Variants in MTSS1 observed in about 807,000 individuals in gnomAD.
MTSS1 encodes protein MTSS 1.
MTSS1 carries 18 observed loss-of-function variants against 79.0 expected under a neutral mutation model. The ratio of observed to expected loss-of-function variants is 0.23; its 90% confidence interval spans 0.16 to 0.34. The LOEUF is 0.34. Ranked by LOEUF, MTSS1 falls within the 10% of genes least tolerant of loss-of-function variation. MTSS1 has a pLI of 1.00. For synonymous variants in MTSS1, 341 were observed against 368.6 expected, an observed-to-expected ratio of 0.93 and a Z score of 0.86; for missense variants, 815 against 986.2, an observed-to-expected ratio of 0.83 and a Z score of 2.33.
rs942279958 is a variant in MTSS1, at chr8:124,552,949, T to C, written c.*43A>G. ...ATGGATCAAGACAAATTAGGTTTTA[T>C]TAATGAAACAGTTCATTCCCCACCG... On this transcript the variant is annotated 3_prime_UTR_variant, in exon 14 of 14. Coordinates refer to ENST00000518547, the MANE Select transcript of MTSS1 (RefSeq NM_014751.6). 1.3e-6 allele frequency: 2 copies of C among 1,566,608 alleles called. No individual in the cohort carries two copies. Among genetic ancestry groups the C allele is most frequent in the African/African-American group, 2.7e-5 (2 of 73,250 alleles).
chr8:124,704,247 C>T (rs2135477240), intron 1 of MTSS1, 56 bp from the exon 2 acceptor site: 7 of 1,436,108 alleles, frequency 4.9e-6, no homozygotes, highest in Non-Finnish European at 6.9e-6. Flanking sequence ...CTGATTACTA[C>T]ATTAACAGAG....
intron 3 of MTSS1, among the ~76,000 whole-genome samples, chr8:124,610,390 T>C (rs1267536849): frequency 6.6e-6 from 1 of 152,180 alleles, no homozygotes; most frequent in African/African-American, 2.4e-5. Context: ...TCCCCTTATA[T>C]GCTACAAGAA....
intron 5 of MTSS1, among the ~76,000 whole-genome samples, chr8:124,587,627 T>C (rs1363922659): frequency 3.3e-5 from 5 of 152,168 alleles, no homozygotes; most frequent in Non-Finnish European, 5.9e-5. Flanking sequence ...GCCTCCCGAG[T>C]AGCTGGGATT....
chr8:124,601,153 C>A (rs949978226), intron 3 of MTSS1, among the ~76,000 whole-genome samples: 7 of 150,748 alleles, frequency 4.6e-5, no homozygotes, highest in African/African-American at 1.7e-4. Context: ...CTCCACCTCC[C>A]GGGTTCAAGC....
In MTSS1 at chr8:124,555,892, T is replaced by C; in HGVS notation, c.1417A>G (p.Met473Val). ...VSAATRPGEEMEACEELALAL... is the reference protein window; with the variant it reads ...VSAATRPGEEVEACEELALAL... ...AGGGCCAGCTCCTCACAAGCCTCCA[T>C]CTCCTCACCAGGCTGCAGGTTGGAG... The change falls in exon 13 of 14, where the codon ATG becomes GTG. Residue 473 changes from methionine to valine, a missense_variant. Transcript: ENST00000518547. 6.2e-7 allele frequency: 1 copy of C among 1,608,300 alleles called. No individual in the cohort carries two copies. Among genetic ancestry groups the C allele is most frequent in the Non-Finnish European group, 8.5e-7 (1 of 1,179,890 alleles).
At chr8:124,554,352 A>G (rs1823121792) in intron 13 of MTSS1, among the ~76,000 whole-genome samples, 1 of 152,106 alleles carries the variant, frequency 6.6e-6, no homozygotes, top group Non-Finnish European at 1.5e-5. Flanking sequence ...CGTGCTGTGT[A>G]TTCTGGGATG....
intron 3 of MTSS1, among the ~76,000 whole-genome samples, chr8:124,600,668 CA>C (rs1833633760): frequency 6.6e-6 from 1 of 152,182 alleles, no homozygotes; most frequent in Non-Finnish European, 1.5e-5. Flanking sequence ...ACACACTGGA[CA>C]ACAGATCATG....
intron 3 of MTSS1, among the ~76,000 whole-genome samples, chr8:124,629,248 C>T (rs1587418027): frequency 6.6e-6 from 1 of 152,096 alleles, no homozygotes; most frequent in South Asian, 2.1e-4. Flanking sequence ...GGCGCGGTGG[C>T]TCACACCTGT....
At chr8:124,560,103 T>A (rs1312683457) in intron 10 of MTSS1, among the ~76,000 whole-genome samples, 1 of 152,200 alleles carries the variant, frequency 6.6e-6, no homozygotes, top group African/African-American at 2.4e-5. Context: ...CCAGCTGCAC[T>A]CTGAGCTCAG....
Position 124,697,473 on chromosome 8 carries a change from T to C in MTSS1, c.208+2053A>G, listed in dbSNP as rs1829029730. Among the ~76,000 whole-genome samples, 2 of 151,936 alleles carry C rather than the reference T, an allele frequency of 1.3e-5. 1 individual carries two copies. Among genetic ancestry groups the C allele is most frequent in the Admixed American group, 1.3e-4 (2 of 15,252 alleles). On this transcript the variant is annotated intron_variant, in intron 3 of 13. Transcript: ENST00000518547. The stretch of plus-strand genomic sequence containing the variant: ...TACACGGGAGGCTGAGGCAGGAGAA[T>C]TGCTTGAATGTGGGGAGGCAGAGGT...
chr8:124,684,179 T>A (rs1407702293), intron 3 of MTSS1, among the ~76,000 whole-genome samples: 1 of 152,228 alleles, frequency 6.6e-6, no homozygotes. Flanking sequence ...TAGTGTCTGA[T>A]ACCACGGCCA....
intron 3 of MTSS1, among the ~76,000 whole-genome samples, chr8:124,622,060 A>G (rs975794539): frequency 7.3e-5 from 8 of 110,054 alleles, no homozygotes; most frequent in Admixed American, 4.5e-4. Flanking sequence ...CAGAAAGAGA[A>G]AGAGAGAGAG....
At chr8:124,620,172 C>T (rs1187038646) in intron 3 of MTSS1, among the ~76,000 whole-genome samples, 4 of 152,036 alleles carry the variant, frequency 2.6e-5, no homozygotes, top group African/African-American at 9.7e-5. Context: ...CTCAGAACTC[C>T]CAGCCTCAGG....
intron 3 of MTSS1, among the ~76,000 whole-genome samples, chr8:124,608,782 G>A (rs562415387): frequency 2.0e-5 from 3 of 152,300 alleles, no homozygotes; most frequent in Admixed American, 6.5e-5. Context: ...GCAGCTATGC[G>A]CTAGATGGAA....
chr8:124,615,953 C>G (rs941483569), intron 3 of MTSS1, among the ~76,000 whole-genome samples: 2 of 152,164 alleles, frequency 1.3e-5, no homozygotes, highest in Non-Finnish European at 2.9e-5. Context: ...TTATGGCAGC[C>G]GGGCCCCATG....
At chr8:124,709,970 G>A (rs1830926737) in intron 1 of MTSS1, among the ~76,000 whole-genome samples, 1 of 152,226 alleles carries the variant, frequency 6.6e-6, no homozygotes, top group Non-Finnish European at 1.5e-5. Context: ...ACAGTTTGCT[G>A]TCTATAAGCC....
At position 124,582,380 on chromosome 8, in the gene MTSS1, GAAAGTGAGCCGCTCAC is replaced by G. The variant is rs1282537612; in HGVS notation, c.460+2691_460+2706del. Among the ~76,000 whole-genome samples, 1 of 152,090 alleles carries G rather than the reference GAAAGTGAGCCGCTCAC, an allele frequency of 6.6e-6. No individual in the cohort carries two copies. The highest frequency in any genetic ancestry group is 1.9e-4 in the East Asian group (1 of 5,194). On this transcript the variant is annotated intron_variant, in intron 6 of 13. Transcript: ENST00000518547. The surrounding 1 kb of genome is among the most constrained non-coding windows in gnomAD (Gnocchi z 4.8). ...AAGGTGGTATCTGCAGAGTAAGAAG[GAAAGTGAGCCGCTCAC>G]AAAAATCACATCCGTGTGTGTCTGC... is the stretch of plus-strand genomic sequence containing the variant.
chr8:124,570,279 T>C (rs1827465452), intron 6 of MTSS1, among the ~76,000 whole-genome samples: 1 of 152,190 alleles, frequency 6.6e-6, no homozygotes, highest in South Asian at 2.1e-4. Context: ...TTTGTGTATA[T>C]AACTCTCATC....
chr8:124,672,589 T>C (rs1824444479), intron 3 of MTSS1, among the ~76,000 whole-genome samples: 1 of 151,692 alleles, frequency 6.6e-6, no homozygotes, highest in African/African-American at 2.4e-5. Context: ...GAGGATTGCT[T>C]GAACCCAGGA....
Sources: allele counts gnomAD v4.1 joint callset (sites outside exome capture counted in the v4.1 genomes callset), GRCh38; gene constraint gnomAD v4.1.1; non-coding constraint Gnocchi (gnomAD v3.1); transcripts MANE v1.5; gene names NCBI Gene and HGNC (gene_info 2026-07-23, HGNC 2026-07-21).